PRAMEF20: variants seen among roughly 807,000 people sequenced by gnomAD.
PRAMEF20 encodes the protein PRAME family member 20.
In PRAMEF20, 27 loss-of-function variants were observed where a neutral mutation model predicts 32.4. The observed-to-expected ratio is 0.83, with a 90% CI of 0.61 to 1.15. The LOEUF (loss-of-function observed/expected upper bound fraction) is 1.15, where lower values mean the gene tolerates loss of function less well. Among genes scored for constraint, PRAMEF20 ranks in the 50% most tolerant of loss-of-function variants. The probability of loss-of-function intolerance (pLI) is 0.00; values close to 1 mark genes in which losing one functional copy is unlikely to be tolerated. For synonymous variants in PRAMEF20, 256 were observed against 235.4 expected, an observed-to-expected ratio of 1.09 and a Z score of -0.80; for missense variants, 604 against 584.5, an observed-to-expected ratio of 1.03 and a Z score of -0.34.
At chr1:13,420,878 A>G in exon 3 of PRAMEF20, 2 of 1,613,734 alleles carry the variant, frequency 1.2e-6, no homozygotes, top group Admixed American at 3.3e-5. Flanking sequence ...AGTTGCAGCC[A>G]CCCTTGAGTA....
upstream of PRAMEF20, among the ~76,000 whole-genome samples, chr1:13,413,895 G>T (rs931624702): frequency 1.3e-5 from 2 of 152,086 alleles, no homozygotes; most frequent in South Asian, 4.1e-4. Flanking sequence ...ATGGCACAGA[G>T]AATTATCCTG....
At chr1:13,415,673 C>T (rs909819225), upstream of PRAMEF20, among the ~76,000 whole-genome samples, 1 of 151,854 alleles carries the variant, frequency 6.6e-6, no homozygotes, top group Non-Finnish European at 1.5e-5. Context: ...GCCTGTGGTC[C>T]CAGCTACTTG....
upstream of PRAMEF20, among the ~76,000 whole-genome samples, chr1:13,412,768 C>G (rs1224241604): frequency 6.6e-6 from 1 of 151,216 alleles, no homozygotes; most frequent in African/African-American, 2.4e-5. Flanking sequence ...CTCTTCCACC[C>G]GAATGGAGAC....
chr1:13,419,837 G>T (rs1382948827), intron 2 of PRAMEF20, among the ~76,000 whole-genome samples: 2 of 152,176 alleles, frequency 1.3e-5, no homozygotes, highest in African/African-American at 4.8e-5. Context: ...GTGCCCCACA[G>T]CTTGGTGAAC....
At chr1:13,414,208 A>ATTTTTTTTTTTT (rs149194621), upstream of PRAMEF20, among the ~76,000 whole-genome samples, 93 of 123,246 alleles carry the variant, frequency 7.5e-4, no homozygotes, top group Admixed American at 1.1e-3. Context: ...CACCTGACTA[A>ATTTTTTTTTTTT]TTTTTTTTTT....
chr1:13,417,352 T>A (rs1029399277), intron 1 of PRAMEF20, among the ~76,000 whole-genome samples: 1 of 152,090 alleles, frequency 6.6e-6, no homozygotes, highest in Non-Finnish European at 1.5e-5. Flanking sequence ...ACAATCCTCA[T>A]GTAAGACAGG....
upstream of PRAMEF20, chr1:13,416,204 C>T (rs1161307540): frequency 4.6e-5 from 66 of 1,444,528 alleles, no homozygotes; most frequent in Non-Finnish European, 6.3e-5. Context: ...CCACTGAGTA[C>T]AGAGTAGAAT....
exon 1 of PRAMEF20, chr1:13,416,623 C>T (rs750275730): frequency 2.5e-6 from 4 of 1,614,148 alleles, no homozygotes; most frequent in Admixed American, 1.7e-5. Context: ...GCACTGCTTA[C>T]CCACAGGGTT....
chr1:13,413,668 G>A (rs1641134757), upstream of PRAMEF20, among the ~76,000 whole-genome samples: 2 of 151,982 alleles, frequency 1.3e-5, no homozygotes. Context: ...CCTAGCCAAG[G>A]TGTTTTCTGA....
intron 1 of PRAMEF20, among the ~76,000 whole-genome samples, chr1:13,417,854 G>A (rs933265936): frequency 6.8e-6 from 1 of 146,512 alleles, no homozygotes; most frequent in East Asian, 2.1e-4. Flanking sequence ...TTATTCTCCT[G>A]CCTCAGCCTC....
the PRAMEF20 span, among the ~76,000 whole-genome samples, chr1:13,410,943 C>T: frequency 5.3e-5 from 8 of 151,990 alleles, no homozygotes; most frequent in Admixed American, 2.6e-4. Context: ...CTGCAACCTC[C>T]GCCTCCCAGG....
upstream of PRAMEF20, among the ~76,000 whole-genome samples, chr1:13,412,054 TTTAA>T (rs1481446302): frequency 5.4e-5 from 8 of 146,876 alleles, no homozygotes; most frequent in Non-Finnish European, 1.2e-4. Flanking sequence ...ATTTATTTAA[TTTAA>T]TTAATTTATT....
upstream of PRAMEF20, chr1:13,416,248 G>T (rs1336938263): frequency 6.3e-7 from 1 of 1,591,736 alleles, no homozygotes; most frequent in Non-Finnish European, 8.6e-7. Flanking sequence ...ACCATTGCCA[G>T]AGCAATGACT....
exon 2 of PRAMEF20, chr1:13,418,373 T>C: frequency 6.2e-7 from 1 of 1,613,906 alleles, no homozygotes; most frequent in Non-Finnish European, 8.5e-7. Flanking sequence ...TTAGTACACC[T>C]GTGCTGTAAG....
At chr1:13,413,840 A>G (rs2100429240), upstream of PRAMEF20, among the ~76,000 whole-genome samples, 2 of 152,242 alleles carry the variant, frequency 1.3e-5, no homozygotes, top group South Asian at 2.1e-4. Flanking sequence ...AGACACTCCC[A>G]TCTGATCTGC....
At chr1:13,411,662 A>C (rs1641115647), upstream of PRAMEF20, among the ~76,000 whole-genome samples, 1 of 152,152 alleles carries the variant, frequency 6.6e-6, no homozygotes, top group Non-Finnish European at 1.5e-5. Flanking sequence ...TTTGTTTGGG[A>C]TGCCTTAGAA....
upstream of PRAMEF20, among the ~76,000 whole-genome samples, chr1:13,414,468 GT>G (rs1246174165): frequency 6.6e-6 from 1 of 151,412 alleles, no homozygotes; most frequent in Admixed American, 6.6e-5. Flanking sequence ...TTTACTAAAA[GT>G]TTTTTTTGAG....
exon 1 of PRAMEF20, chr1:13,416,536 T>C: frequency 1.5e-5 from 25 of 1,614,118 alleles, no homozygotes; most frequent in Non-Finnish European, 2.1e-5. Context: ...GCCTGGCCTT[T>C]CCTCCGCCTT....
intron 1 of PRAMEF20, among the ~76,000 whole-genome samples, chr1:13,417,631 T>C (rs1016354088): frequency 3.4e-5 from 5 of 147,070 alleles, no homozygotes; most frequent in Non-Finnish European, 7.5e-5. Context: ...CTGGGCAGGA[T>C]CCAAGGGTAA....
Sources: gnomAD v4.1 joint callset for allele counts (sites outside exome capture counted in the v4.1 genomes callset) on GRCh38, gnomAD v4.1.1 for gene constraint, MANE v1.5 for transcripts, NCBI Gene and HGNC (gene_info 2026-07-23, HGNC 2026-07-21) for gene names.